The following ANKRD30A variants were observed in gnomAD, a reference collection of about 807,000 sequenced individuals.
The protein encoded by ANKRD30A is ankyrin repeat domain 30A.
In ANKRD30A, 170 loss-of-function variants were observed where a neutral mutation model predicts 166.3. That is an observed-to-expected ratio of 1.02 (90% CI 0.90 to 1.16). The LOEUF (loss-of-function observed/expected upper bound fraction) is 1.16, where lower values mean the gene tolerates loss of function less well. Ranked by LOEUF, ANKRD30A falls within the 50% of genes most tolerant of loss-of-function variation. The pLI is 0.00. For synonymous variants in ANKRD30A, 564 were observed against 508.9 expected, an observed-to-expected ratio of 1.11 and a Z score of -1.46; for missense variants, 1,630 against 1,518.0, an observed-to-expected ratio of 1.07 and a Z score of -1.23.
chr10:37,220,028 T>TATATAA (rs1491157188), intron 34 of ANKRD30A, 131 bp downstream of exon 34: 1 of 152,078 alleles, frequency 6.6e-6, no homozygotes, highest in African/African-American at 3.0e-5. Context: ...TATATATATA[T>TATATAA]AATATATGTA....
chr10:37,254,082 A>G, the ANKRD30A span, among the ~76,000 whole-genome samples: 2 of 152,364 alleles, frequency 1.3e-5, no homozygotes, highest in East Asian at 3.9e-4. Context: ...GGTTATCAAC[A>G]TTTGGGTTCT....
chr10:37,198,097 G>C (rs1404025989), intron 29 of ANKRD30A, among the ~76,000 whole-genome samples: 1 of 152,108 alleles, frequency 6.6e-6, no homozygotes, highest in African/African-American at 2.4e-5. Flanking sequence ...TGATTCTGAA[G>C]TGTTTGGCTT....
intron 31 of ANKRD30A, among the ~76,000 whole-genome samples, chr10:37,201,878 A>T (rs1466350898): frequency 1.3e-5 from 2 of 152,112 alleles, no homozygotes; most frequent in Non-Finnish European, 2.9e-5. Flanking sequence ...AGGTGAGAAT[A>T]AGCATGTCTG....
At position 37,183,983 on chromosome 10, in the gene ANKRD30A, C is replaced by G. The variant is rs1427303455; in HGVS notation, c.2422-5484C>G. On this transcript the variant is annotated intron_variant, in intron 24 of 35. Coordinates refer to ENST00000361713, the MANE Select transcript of ANKRD30A (RefSeq NM_052997.3). ...CTAACACGGTGAAACCCTGTCTCTA[C>G]TAAAAATACAAAAAATTAGCCGGAC... is the stretch of plus-strand genomic sequence containing the variant. 1.3e-4 allele frequency among the ~76,000 whole-genome samples: 20 copies of G among 151,758 alleles called. No individual in the cohort carries two copies. In the East Asian group the frequency reaches 3.7e-3, roughly 28 times the overall value.
At chr10:37,213,950 G>C (rs1842476501) in intron 31 of ANKRD30A, among the ~76,000 whole-genome samples, 1 of 151,656 alleles carries the variant, frequency 6.6e-6, no homozygotes, top group Admixed American at 6.6e-5. Flanking sequence ...ATGGTGTTAA[G>C]TCTATCACAT....
intron 13 of ANKRD30A, 40 bp from the exon 14 acceptor site, chr10:37,158,352 G>T (rs747602718): frequency 3.8e-6 from 6 of 1,594,692 alleles, no homozygotes; most frequent in Non-Finnish European, 5.1e-6. Context: ...GCTTTGTCAG[G>T]CTTGCATATA....
the ANKRD30A span, among the ~76,000 whole-genome samples, chr10:37,245,104 C>T: frequency 6.6e-6 from 1 of 152,140 alleles, no homozygotes; most frequent in Admixed American, 6.5e-5. Flanking sequence ...ACTAATATTT[C>T]AATTGTCTTA....
At chr10:37,134,166 T>G in intron 5 of ANKRD30A, 113 bp downstream of exon 5, 1 of 1,247,202 alleles carries the variant, frequency 8.0e-7, no homozygotes, top group Non-Finnish European at 1.1e-6. Context: ...GCTAGACTAG[T>G]TAGAAGGAGT....
At position 37,142,304 on chromosome 10, in the gene ANKRD30A, G is replaced by A; in HGVS notation, c.1393+14G>A. Reference sequence around the variant, plus strand: ...CAAGTGCCAATGGTAAGATGCTAGAGCGAACTTTGTAAGGTTTATTGGCAC... The same window carrying A: ...CAAGTGCCAATGGTAAGATGCTAGAACGAACTTTGTAAGGTTTATTGGCAC... On this transcript the variant is annotated intron_variant, in intron 7 of 35. Coordinates refer to ENST00000361713, the MANE Select transcript of ANKRD30A (RefSeq NM_052997.3). The A allele has an allele frequency of 6.4e-7, 1 of 1,570,830 alleles. No individual in the cohort carries two copies.
At chr10:37,195,627 G>A (rs753983109) in intron 27 of ANKRD30A, among the ~76,000 whole-genome samples, 3 of 152,168 alleles carry the variant, frequency 2.0e-5, no homozygotes, top group Non-Finnish European at 4.4e-5. Context: ...GGGTGCGGTG[G>A]CTCACGCCTG....
At chr10:37,200,754 T>C (rs1454386282) in intron 30 of ANKRD30A, among the ~76,000 whole-genome samples, 2 of 152,134 alleles carry the variant, frequency 1.3e-5, no homozygotes, top group East Asian at 1.9e-4. Flanking sequence ...ATTCTGTACA[T>C]ACATTCTATG....
At chr10:37,209,819 A>G (rs1842187341) in intron 31 of ANKRD30A, among the ~76,000 whole-genome samples, 1 of 151,686 alleles carries the variant, frequency 6.6e-6, no homozygotes, top group Non-Finnish European at 1.5e-5. Flanking sequence ...TTTTCTTGAG[A>G]TATTATATTT....
intron 31 of ANKRD30A, among the ~76,000 whole-genome samples, chr10:37,212,118 C>T (rs533501944): frequency 1.3e-5 from 2 of 152,036 alleles, no homozygotes; most frequent in South Asian, 4.1e-4. Context: ...ATCTAGAAAA[C>T]CCCATCGTCT....
intron 6 of ANKRD30A, among the ~76,000 whole-genome samples, chr10:37,137,289 C>T (rs781255093): frequency 3.9e-5 from 6 of 152,174 alleles, no homozygotes; most frequent in African/African-American, 7.2e-5. Flanking sequence ...CAGCTCCCAG[C>T]GTGAGCAACG....
the ANKRD30A span, among the ~76,000 whole-genome samples, chr10:37,240,299 C>T: frequency 1.3e-5 from 2 of 152,100 alleles, no homozygotes; most frequent in African/African-American, 2.4e-5. Flanking sequence ...AGCCTACACA[C>T]TGCAGTTGTT....
chr10:37,209,358 T>C (rs543601057), intron 31 of ANKRD30A, among the ~76,000 whole-genome samples: 1 of 152,122 alleles, frequency 6.6e-6, no homozygotes, highest in African/African-American at 2.4e-5. Context: ...GGGAGGCCTG[T>C]GGAAGCTTAC....
chr10:37,207,299 A>AAAC (rs1280525803), intron 31 of ANKRD30A, among the ~76,000 whole-genome samples: 10 of 152,298 alleles, frequency 6.6e-5, no homozygotes, highest in African/African-American at 2.4e-4. Context: ...GAATGTTTGT[A>AAAC]GTTTACTGAT....
At chr10:37,265,748 A>T in the ANKRD30A span, among the ~76,000 whole-genome samples, 7 of 152,364 alleles carry the variant, frequency 4.6e-5, no homozygotes, top group African/African-American at 1.7e-4. Context: ...CCCAGGTGGA[A>T]AGGGAAGAAC....
At chr10:37,221,337 C>T (rs1357913342) in intron 34 of ANKRD30A, among the ~76,000 whole-genome samples, 1 of 151,100 alleles carries the variant, frequency 6.6e-6, no homozygotes, top group Non-Finnish European at 1.5e-5. Context: ...CATTGTGAGA[C>T]AACTTCAAAA....
Sources: gnomAD v4.1 joint callset for allele counts (sites outside exome capture counted in the v4.1 genomes callset) on GRCh38, gnomAD v4.1.1 for gene constraint, MANE v1.5 for transcripts, NCBI Gene and HGNC (gene_info 2026-07-23, HGNC 2026-07-21) for gene names.